The following EYS variants were observed in gnomAD, a reference collection of about 807,000 sequenced individuals.
EYS encodes the protein protein eyes shut homolog.
EYS carries 250 observed loss-of-function variants against 282.1 expected under a neutral mutation model. That is an observed-to-expected ratio of 0.89 (90% CI 0.80 to 0.98). The LOEUF is 0.98. Among genes scored for constraint, EYS ranks in the 50% least tolerant of loss-of-function variants. EYS has a pLI of 0.00. For synonymous variants in EYS, 1,355 were observed against 1,282.9 expected, an observed-to-expected ratio of 1.06 and a Z score of -1.20; for missense variants, 4,016 against 3,709.0, an observed-to-expected ratio of 1.08 and a Z score of -2.15.
At chr6:64,942,198 C>A (rs1162298955) in intron 15 of EYS, among the ~76,000 whole-genome samples, 1 of 150,746 alleles carries the variant, frequency 6.6e-6, no homozygotes, top group East Asian at 2.0e-4. Flanking sequence ...ATTTGGATTT[C>A]TCTGATTAAT....
At chr6:64,437,620 T>G (rs1046206353) in intron 27 of EYS, among the ~76,000 whole-genome samples, 3 of 151,650 alleles carry the variant, frequency 2.0e-5, no homozygotes, top group African/African-American at 7.2e-5. Context: ...TGATTTAAAT[T>G]GGTAAATGAA....
intron 19 of EYS, among the ~76,000 whole-genome samples, chr6:64,835,508 T>A (rs1055350103): frequency 6.6e-6 from 1 of 151,666 alleles, no homozygotes; most frequent in Non-Finnish European, 1.5e-5. Flanking sequence ...AATATTTTAA[T>A]ACCAAGATGA....
chr6:65,500,165 A>G (rs1165938924), intron 2 of EYS, among the ~76,000 whole-genome samples: 1 of 152,004 alleles, frequency 6.6e-6, no homozygotes, highest in Non-Finnish European at 1.5e-5. Context: ...ACAAATGCAC[A>G]CACCCAGTTA....
At chr6:64,767,691 G>T (rs1317875924) in intron 22 of EYS, among the ~76,000 whole-genome samples, 1 of 151,986 alleles carries the variant, frequency 6.6e-6, no homozygotes, top group Non-Finnish European at 1.5e-5. Flanking sequence ...TCTGTTGTTG[G>T]ACACCTAGGT....
intron 31 of EYS, among the ~76,000 whole-genome samples, chr6:64,133,591 T>G (rs1218783152): frequency 6.6e-6 from 1 of 152,102 alleles, no homozygotes; most frequent in Non-Finnish European, 1.5e-5. Flanking sequence ...TATATTTATA[T>G]GCACACATGT....
In EYS at chr6:65,614,468, T is replaced by C. The variant is rs191082753; in HGVS notation, c.-333+25310A>G. Among the ~76,000 whole-genome samples the C allele has an allele frequency of 5.8e-5, 8 of 137,838 alleles. No individual in the cohort carries two copies. In the East Asian group the frequency reaches 1.2e-3, roughly 21 times the overall value. The allele number at this position is 137,838 out of a possible 152,430, so 90.4% of individuals were successfully genotyped here. A position where few individuals can be genotyped will look rare whatever the true frequency, so the allele number is the denominator to read the frequency against. ...TGCCTGTGAAAGGATCCAGAATATG[T>C]TGCATTAAAAAATTATATATATGTT... On this transcript the variant is annotated intron_variant, in intron 2 of 42. Transcript: ENST00000503581.
chr6:63,759,387 C>G (rs1267223356), intron 41 of EYS, among the ~76,000 whole-genome samples: 1 of 152,044 alleles, frequency 6.6e-6, no homozygotes, highest in Non-Finnish European at 1.5e-5. Flanking sequence ...GCTTAGCTGC[C>G]ACATCTATTC....
rs1208034884 is a variant in EYS, at chr6:63,973,915, G to C, written c.7055+10468C>G. Among the ~76,000 whole-genome samples, 6 of 152,062 alleles carry C rather than the reference G, an allele frequency of 3.9e-5. No homozygotes were observed. In the East Asian group the frequency reaches 9.6e-4, roughly 24 times the overall value. ...TTACTTTATTTTTCTAGAATAAAAG[G>C]TTAAGCAGTTTTCTTAAGGTACAAT... On this transcript the variant is annotated intron_variant, in intron 35 of 42. Coordinates refer to ENST00000503581, the MANE Select transcript of EYS (RefSeq NM_001142800.2).
intron 35 of EYS, among the ~76,000 whole-genome samples, chr6:63,914,504 T>C (rs923516369): frequency 6.6e-6 from 1 of 151,732 alleles, no homozygotes; most frequent in Non-Finnish European, 1.5e-5. Context: ...AAGTAAGGAG[T>C]TCGAGATCAG....
At chr6:64,258,981 A>G (rs191380233) in intron 30 of EYS, among the ~76,000 whole-genome samples, 2 of 152,238 alleles carry the variant, frequency 1.3e-5, no homozygotes, top group Admixed American at 1.3e-4. Flanking sequence ...TACATAATAC[A>G]TAAAAGTAAT....
intron 31 of EYS, among the ~76,000 whole-genome samples, chr6:64,140,404 A>G (rs1256801066): frequency 2.0e-5 from 3 of 152,216 alleles, no homozygotes; most frequent in African/African-American, 7.2e-5. Context: ...GATGTTTAAT[A>G]TTAGTAGTTC....
chr6:64,866,055 A>C (rs1272646803), intron 19 of EYS, among the ~76,000 whole-genome samples: 1 of 152,026 alleles, frequency 6.6e-6, no homozygotes, highest in African/African-American at 2.4e-5. Context: ...TTATTACCAG[A>C]AACTACTTCT....
intron 33 of EYS, among the ~76,000 whole-genome samples, chr6:64,060,735 A>G (rs1007473135): frequency 6.6e-6 from 1 of 152,188 alleles, no homozygotes; most frequent in Non-Finnish European, 1.5e-5. Flanking sequence ...TAGTCCTTTT[A>G]TAAAACTTAG....
chr6:65,195,595 C>G (rs1765746111), intron 12 of EYS, among the ~76,000 whole-genome samples: 1 of 151,946 alleles, frequency 6.6e-6, no homozygotes, highest in Non-Finnish European at 1.5e-5. Context: ...AGTTGAACAT[C>G]AGAACATTAT....
chr6:64,040,590 C>T (rs1046420512), intron 33 of EYS, among the ~76,000 whole-genome samples: 1 of 152,080 alleles, frequency 6.6e-6, no homozygotes, highest in Admixed American at 6.6e-5. Flanking sequence ...TGGCGCACAA[C>T]TAAGATAAAA....
At chr6:64,751,448 C>T (rs1052808455) in intron 22 of EYS, among the ~76,000 whole-genome samples, 3 of 152,266 alleles carry the variant, frequency 2.0e-5, no homozygotes, top group African/African-American at 7.2e-5. Context: ...ATGGCTGCCC[C>T]CGGACTCCTC....
chr6:64,918,448 TGTTTGTTTGTTC>T (rs962704658), intron 15 of EYS, among the ~76,000 whole-genome samples: 3 of 152,124 alleles, frequency 2.0e-5, no homozygotes, highest in African/African-American at 7.2e-5. Context: ...AAGGGTTTTT[TGTTTGTTTGTTC>T]GTTTGTTTGT....
chr6:65,056,231 G>A (rs1561943383), intron 13 of EYS, among the ~76,000 whole-genome samples: 1 of 151,944 alleles, frequency 6.6e-6, no homozygotes, highest in Non-Finnish European at 1.5e-5. Flanking sequence ...TTGTGTTTAA[G>A]TACTTCCACA....
intron 18 of EYS, among the ~76,000 whole-genome samples, chr6:64,888,775 GAT>G (rs1319196614): frequency 1.3e-5 from 2 of 151,920 alleles, no homozygotes; most frequent in Non-Finnish European, 2.9e-5. Flanking sequence ...CTAAAATCAA[GAT>G]ATGTTTGTTA....
Sources: allele counts gnomAD v4.1 joint callset (sites outside exome capture counted in the v4.1 genomes callset), GRCh38; gene constraint gnomAD v4.1.1; transcripts MANE v1.5; gene names NCBI Gene and HGNC (gene_info 2026-07-23, HGNC 2026-07-21).